The following SDK1 variants were observed in gnomAD, a reference collection of about 807,000 sequenced individuals.
The protein encoded by SDK1 is sidekick cell adhesion molecule 1, also known as protein sidekick-1.
Under a neutral mutation model 245.5 loss-of-function variants are expected in SDK1, and 157 were observed. That is an observed-to-expected ratio of 0.64 (90% confidence interval 0.56 to 0.73). SDK1 has a LOEUF of 0.73. Ranked by LOEUF, SDK1 falls within the 30% of genes least tolerant of loss-of-function variation. The pLI, the probability that SDK1 is intolerant of heterozygous loss-of-function variation, is 0.00. For synonymous variants in SDK1, 1,647 were observed against 1,278.5 expected (o/e 1.29, Z -6.15); for missense variants, 3,583 against 3,002.3 (o/e 1.19, Z -4.52).
intron 2 of SDK1, among the ~76,000 whole-genome samples, chr7:3,633,506 C>A: frequency 6.6e-6 from 1 of 152,066 alleles, no homozygotes; most frequent in East Asian, 1.9e-4. Context: ...CTCAAGAGAA[C>A]TTCTTATAAC....
intron 13 of SDK1, among the ~76,000 whole-genome samples, chr7:3,983,325 C>G (rs1783562136): frequency 6.6e-6 from 1 of 152,164 alleles, no homozygotes. Flanking sequence ...CGTTGATGCG[C>G]CAGGCTTCAC....
intron 5 of SDK1, among the ~76,000 whole-genome samples, chr7:3,821,904 T>C (rs1477744664): frequency 6.6e-6 from 1 of 152,230 alleles, no homozygotes; most frequent in East Asian, 1.9e-4. Context: ...TTAAATGAAT[T>C]GTATCCATGA....
At position 4,268,662 on chromosome 7, in the gene SDK1, C is replaced by T; in HGVS notation, c.*3278C>T. 1 of 1,367,822 alleles carries T rather than the reference C, an allele frequency of 7.3e-7. No individual in the cohort carries two copies. Among genetic ancestry groups the T allele is most frequent in the Non-Finnish European group, 9.8e-7 (1 of 1,021,956 alleles). 84.7% of individuals were successfully genotyped at this position (1,367,822 alleles called of 1,614,324 possible). A position where few individuals can be genotyped will look rare whatever the true frequency, so the allele number is the denominator to read the frequency against. On this transcript the variant is annotated 3_prime_UTR_variant, in exon 45 of 45. Transcript: ENST00000404826. ...CGTAGCATGGTTTTTATTTCTTACG[C>T]ATTCTTGGCACACAGTGTAGCTATC...
Position 4,268,123 on chromosome 7 carries a change from C to G in SDK1, c.*2739C>G, listed in dbSNP as rs150649766. On this transcript the variant is annotated 3_prime_UTR_variant, in exon 45 of 45. Transcript: ENST00000404826. ...TGTGCTCCCGCTCTCTCCTGCCGTGCTGAAAGTCATGCCTTGCGGATGCCT... is the reference window on the plus strand; with the variant it reads ...TGTGCTCCCGCTCTCTCCTGCCGTGGTGAAAGTCATGCCTTGCGGATGCCT... The G allele has an allele frequency of 5.1e-6, 5 of 985,892 alleles. No individual in the cohort carries two copies. Among genetic ancestry groups the G allele is most frequent in the African/African-American group, 1.7e-5 (1 of 57,384 alleles). The allele number at this position is 985,892 out of a possible 1,614,324, so 61.1% of individuals were successfully genotyped here. A position where few individuals can be genotyped will look rare whatever the true frequency, so the allele number is the denominator to read the frequency against.
At chr7:3,371,090 T>G (rs1781216003) in intron 1 of SDK1, among the ~76,000 whole-genome samples, 3 of 152,138 alleles carry the variant, frequency 2.0e-5, no homozygotes, top group Admixed American at 6.5e-5. Context: ...ATGTGACAGT[T>G]GACAAGAGTG....
chr7:3,533,782 CG>C (rs988268052), intron 1 of SDK1, among the ~76,000 whole-genome samples: 1 of 151,892 alleles, frequency 6.6e-6, no homozygotes, highest in Non-Finnish European at 1.5e-5. Context: ...CTGCTTCCCC[CG>C]CCCCCCATTC....
intron 1 of SDK1, among the ~76,000 whole-genome samples, chr7:3,314,284 C>A (rs1343977884): frequency 6.6e-6 from 1 of 152,200 alleles, no homozygotes; most frequent in Non-Finnish European, 1.5e-5. Flanking sequence ...ACACCTAGAT[C>A]AGAACAGGAT....
chr7:4,106,128 AAAC>A (rs959556785), intron 22 of SDK1, among the ~76,000 whole-genome samples: 16 of 152,090 alleles, frequency 1.1e-4, no homozygotes, highest in African/African-American at 3.6e-4. Flanking sequence ...ATGCTCAGCA[AAAC>A]AACAGCCCTG....
intron 1 of SDK1, among the ~76,000 whole-genome samples, chr7:3,473,265 C>G (rs1278546557): frequency 6.6e-6 from 1 of 152,166 alleles, no homozygotes; most frequent in East Asian, 1.9e-4. Context: ...CACACTGCCT[C>G]TTAGAAGGCT....
Position 3,551,019 on chromosome 7 carries a change from T to A in SDK1, c.299-68061T>A, listed in dbSNP as rs186031029. Reference sequence around the variant, plus strand: ...TGAACTCAACCAGCTTTTAATATATTTTTTAGAAGGTTAGGAGAAAGATTA... The same window carrying A: ...TGAACTCAACCAGCTTTTAATATATATTTTAGAAGGTTAGGAGAAAGATTA... On this transcript the variant is annotated intron_variant, in intron 1 of 44. Coordinates refer to ENST00000404826, the MANE Select transcript of SDK1 (RefSeq NM_152744.4). 2.6e-3 allele frequency among the ~76,000 whole-genome samples: 395 copies of A among 152,324 alleles called. 2 individuals are homozygous for A. Among genetic ancestry groups the A allele is most frequent in the African/African-American group, 9.0e-3 (375 of 41,568 alleles).
chr7:3,373,423 A>T (rs1781275866), intron 1 of SDK1, among the ~76,000 whole-genome samples: 1 of 152,244 alleles, frequency 6.6e-6, no homozygotes, highest in African/African-American at 2.4e-5. Flanking sequence ...ATATGGTCTC[A>T]ATAGATGTTA....
intron 1 of SDK1, among the ~76,000 whole-genome samples, chr7:3,554,315 G>C (rs1434454224): frequency 6.6e-6 from 1 of 151,464 alleles, no homozygotes; most frequent in Non-Finnish European, 1.5e-5. Context: ...CCTTCAAACA[G>C]GTAAAAATGA....
intron 1 of SDK1, among the ~76,000 whole-genome samples, chr7:3,526,175 G>C (rs1457468517): frequency 2.6e-5 from 4 of 152,052 alleles, no homozygotes; most frequent in Admixed American, 2.6e-4. Context: ...GGAGGTTGCT[G>C]TGAGCCGAGA....
At chr7:3,571,104 T>C (rs1197604116) in intron 1 of SDK1, among the ~76,000 whole-genome samples, 2 of 152,048 alleles carry the variant, frequency 1.3e-5, no homozygotes, top group African/African-American at 2.4e-5. Flanking sequence ...ACTTTAGTTA[T>C]GTTAACCAAG....
intron 1 of SDK1, among the ~76,000 whole-genome samples, chr7:3,414,559 A>AAAGTAATAC (rs1160067909): frequency 2.0e-5 from 3 of 152,168 alleles, no homozygotes; most frequent in African/African-American, 7.2e-5. Context: ...TGGAACTGTG[A>AAAGTAATAC]AAGTAATACC....
intron 1 of SDK1, among the ~76,000 whole-genome samples, chr7:3,308,006 A>G (rs1779460661): frequency 6.6e-6 from 1 of 152,136 alleles, no homozygotes; most frequent in Non-Finnish European, 1.5e-5. Context: ...CAGAGTATTT[A>G]CAATGTTGAA....
chr7:3,913,459 A>C (rs1205230506), intron 5 of SDK1, among the ~76,000 whole-genome samples: 2 of 152,008 alleles, frequency 1.3e-5, no homozygotes, highest in Non-Finnish European at 2.9e-5. Flanking sequence ...ACGCCCAGCT[A>C]ATTTTTTGTA....
intron 44 of SDK1, among the ~76,000 whole-genome samples, chr7:4,249,806 G>A (rs766239092): frequency 5.3e-5 from 8 of 152,288 alleles, no homozygotes; most frequent in East Asian, 3.9e-4. Flanking sequence ...GACTTAGATC[G>A]TTTTGGAAGT....
At chr7:3,714,128 A>T (rs1187304819) in intron 4 of SDK1, among the ~76,000 whole-genome samples, 1 of 152,176 alleles carries the variant, frequency 6.6e-6, no homozygotes, top group Admixed American at 6.5e-5. Context: ...ATTCAAAACA[A>T]CAACACGTTG....
Sources: allele counts gnomAD v4.1 joint callset (sites outside exome capture counted in the v4.1 genomes callset), GRCh38; gene constraint gnomAD v4.1.1; transcripts MANE v1.5; gene names NCBI Gene and HGNC (gene_info 2026-07-23, HGNC 2026-07-21).